The following TPR variants were observed in gnomAD, a reference collection of about 807,000 sequenced individuals.
TPR encodes translocated promoter region, nuclear basket protein.
A neutral mutation model predicts 316.1 loss-of-function variants in TPR; 51 were observed. The observed-to-expected ratio is 0.16, with a 90% CI of 0.13 to 0.20. The LOEUF is 0.20. Among genes scored for constraint, TPR ranks in the 10% least tolerant of loss-of-function variants. TPR has a pLI of 1.00. For missense variants in TPR, 2,272 were observed against 2,754.8 expected (o/e 0.82, Z 3.92); for synonymous variants, 981 against 914.7 (o/e 1.07, Z -1.31).
At chr1:186,360,998 G>T in intron 9 of TPR, 93 bp from the exon 10 acceptor site, 1 of 1,285,738 alleles carries the variant, frequency 7.8e-7, no homozygotes, top group South Asian at 1.5e-5. Flanking sequence ...CCCCTCAGCA[G>T]ATAATATTAA....
At chr1:186,338,342 T>A in intron 30 of TPR, 99 bp from the exon 31 acceptor site, 1 of 1,029,734 alleles carries the variant, frequency 9.7e-7, no homozygotes, top group Non-Finnish European at 1.4e-6. Flanking sequence ...TTAATAACTT[T>A]TTTTTTTGAA....
At chr1:186,368,299 G>T (rs541421256) in intron 3 of TPR, among the ~76,000 whole-genome samples, 1 of 152,222 alleles carries the variant, frequency 6.6e-6, no homozygotes, top group South Asian at 2.1e-4. Context: ...CCTAAAAATT[G>T]AATTACTTAA....
intron 9 of TPR, 110 bp downstream of exon 9, chr1:186,361,512 G>A (rs1571634541): frequency 1.9e-6 from 2 of 1,027,550 alleles, no homozygotes; most frequent in Non-Finnish European, 2.9e-6. Context: ...ACCTAATTCT[G>A]TCCCAAATAA....
rs780573389 is a variant in TPR, at chr1:186,343,385, A to G, written c.3691T>C (p.Leu1231=). Residue 1231 remains leucine, a synonymous_variant, in exon 27 of 51, where the codon TTA becomes CTA. Coordinates refer to ENST00000367478, the MANE Select transcript of TPR (RefSeq NM_003292.3). ...TGCAGTTCCTGCAGCTCTCTTTCTAAAAGTTCAACCCTTTGTCGATAACGC... is the reference window on the plus strand; with the variant it reads ...TGCAGTTCCTGCAGCTCTCTTTCTAGAAGTTCAACCCTTTGTCGATAACGC... ...SLRYRQRVEL[L]ERELQELQDS... 1 of 1,613,970 alleles carries G rather than the reference A, an allele frequency of 6.2e-7. No individual in the cohort carries two copies. The highest frequency in any genetic ancestry group is 1.3e-5 in the African/African-American group (1 of 74,922).
In TPR at chr1:186,313,851, A is replaced by G; in HGVS notation, c.*120T>C. 1.4e-6 allele frequency: 2 copies of G among 1,480,442 alleles called. No homozygotes were observed. The highest frequency in any genetic ancestry group is 1.9e-6 in the Non-Finnish European group (2 of 1,059,444). 91.7% of individuals were successfully genotyped at this position (1,480,442 alleles called of 1,614,324 possible). ...TTTTGACACTGAAAAACATTTTATT[A>G]ATAAAGAATATTGACATGAGTATAC... On this transcript the variant is annotated 3_prime_UTR_variant, in exon 51 of 51. Coordinates refer to ENST00000367478, the MANE Select transcript of TPR (RefSeq NM_003292.3).
At position 186,339,700 on chromosome 1, in the gene TPR, T is replaced by C; in HGVS notation, c.4093A>G (p.Thr1365Ala). The C allele has an allele frequency of 6.2e-7, 1 of 1,604,204 alleles. No homozygotes were observed. Among genetic ancestry groups the C allele is most frequent in the South Asian group, 1.1e-5 (1 of 89,352 alleles). The change falls in exon 30 of 51, where the codon ACT becomes GCT. Residue 1365 changes from threonine (T) to alanine (A), a missense_variant. Thr to Ala is a moderately conservative substitution (Grantham distance 58, BLOSUM62 0). This residue lies in a region of TPR where 96 missense variants were observed against 134.6 expected (regional missense o/e 0.71). Coordinates refer to ENST00000367478, the MANE Select transcript of TPR (RefSeq NM_003292.3). The stretch of plus-strand genomic sequence containing the variant: ...TCTGTCAATTGTTGAATACGCTTAG[T>C]ATGAACTTCCTTTTCAGAAAGGAGC... ...RKLLSEKEVH[T>A]KRIQQLTEEI...
Position 186,331,530 on chromosome 1 carries a change from A to G in TPR, c.5656T>C (p.Tyr1886His). 6.2e-7 allele frequency: 1 copy of G among 1,609,592 alleles called. No homozygotes were observed. Among genetic ancestry groups the G allele is most frequent in the African/African-American group, 1.3e-5 (1 of 74,792 alleles). The change falls in exon 39 of 51, where the codon TAC becomes CAC. Residue 1886 changes from tyrosine (Y) to histidine (H), a missense_variant. Tyr to His is a moderately conservative substitution (Grantham distance 83). Around this residue, in one of 10 missense-constraint regions of TPR, gnomAD observed 435 missense variants for 461.1 expected, o/e 0.94. Coordinates refer to ENST00000367478, the MANE Select transcript of TPR (RefSeq NM_003292.3). Reference sequence around the variant, plus strand: ...ATGGAATCTTGAGAATCCTGGTTGTATACCTGAGTCTCTACCTCTCCATCA... The same window carrying G: ...ATGGAATCTTGAGAATCCTGGTTGTGTACCTGAGTCTCTACCTCTCCATCA... The part of the protein sequence containing the change: ...STDGEVETQV[Y>H]NQDSQDSIGE...
rs1659092685 is a variant in TPR at position 186,358,532 on chromosome 1, A to C, written c.1497+11T>G. ...TTTTAAAAGTAGGAAAACAAACAAA[A>C]AAATTCTAACCTGTTGTGAAAGATC... is the stretch of plus-strand genomic sequence containing the variant. On this transcript the variant is annotated intron_variant, in intron 13 of 50. Transcript: ENST00000367478. 6.2e-7 allele frequency: 1 copy of C among 1,602,384 alleles called. No individual in the cohort carries two copies. Among genetic ancestry groups the C allele is most frequent in the South Asian group, 1.1e-5 (1 of 88,598 alleles).
chr1:186,358,593 C>G lies in TPR; in HGVS notation c.1447G>C (p.Glu483Gln), dbSNP rs1659094172. ...DKANKQSSVL[E>Q]RDNRRMEIQV... ...ATTTCCATTCTTCGATTATCTCTCT[C>G]AAGTACAGATGATTGCTTGTTGGCT... Residue 483 changes from glutamate to glutamine, a missense_variant, in exon 13 of 51, where the codon GAG becomes CAG. By Grantham distance (29) the Glu-to-Gln change is conservative. Around this residue, in one of 10 missense-constraint regions of TPR, gnomAD observed 549 missense variants for 598.6 expected, o/e 0.92. Coordinates refer to ENST00000367478, the MANE Select transcript of TPR (RefSeq NM_003292.3). 6.2e-7 allele frequency: 1 copy of G among 1,612,556 alleles called. No homozygotes were observed. The highest frequency in any genetic ancestry group is 8.5e-7 in the Non-Finnish European group (1 of 1,179,318).
At chr1:186,363,285 T>G in intron 5 of TPR, 57 bp downstream of exon 5, 1 of 1,376,856 alleles carries the variant, frequency 7.3e-7, no homozygotes, top group African/African-American at 1.5e-5. Flanking sequence ...AAATTTAATT[T>G]AGGTGAGTTT....
chr1:186,322,659 GAT>G, intron 43 of TPR, 73 bp from the exon 44 acceptor site: 1 of 1,452,616 alleles, frequency 6.9e-7, no homozygotes. Flanking sequence ...AATATCAACA[GAT>G]ACAGCTTATT....
intron 21 of TPR, among the ~76,000 whole-genome samples, chr1:186,348,689 T>C (rs752755318): frequency 7.9e-5 from 12 of 152,070 alleles, no homozygotes; most frequent in Non-Finnish European, 1.3e-4. Context: ...GTAAAATTCC[T>C]CTCTTTGTAC....
At chr1:186,360,693 G>A (rs1659159445) in intron 10 of TPR, 72 bp downstream of exon 10, 6 of 1,576,984 alleles carry the variant, frequency 3.8e-6, no homozygotes, top group Non-Finnish European at 5.2e-6. Context: ...AATACTATTA[G>A]TGAAATTAAA....
intron 34 of TPR, 88 bp downstream of exon 34, chr1:186,335,250 C>A: frequency 1.3e-6 from 2 of 1,547,108 alleles, no homozygotes; most frequent in Non-Finnish European, 1.8e-6. Flanking sequence ...CCAAAATTCA[C>A]TGACAAAGGC....
chr1:186,361,255 G>T (rs1009489116), intron 9 of TPR, among the ~76,000 whole-genome samples: 1 of 151,674 alleles, frequency 6.6e-6, no homozygotes, highest in Non-Finnish European at 1.5e-5. Context: ...AAAAATTTGA[G>T]GAAATAAAAG....
At chr1:186,338,449 G>A (rs1482661321) in intron 30 of TPR, among the ~76,000 whole-genome samples, 2 of 152,032 alleles carry the variant, frequency 1.3e-5, no homozygotes, top group Non-Finnish European at 1.5e-5. Context: ...GCACATTTTA[G>A]AGATGAGAAA....
At chr1:186,329,697 T>C (rs1426070532) in intron 39 of TPR, among the ~76,000 whole-genome samples, 2 of 152,144 alleles carry the variant, frequency 1.3e-5, no homozygotes, top group Non-Finnish European at 2.9e-5. Flanking sequence ...TACATAATCA[T>C]CTGAAGATTT....
Position 186,351,375 on chromosome 1 carries a change from C to G in TPR, c.2565G>C (p.Leu855Phe). 1 of 1,612,352 alleles carries G rather than the reference C, an allele frequency of 6.2e-7. No individual in the cohort carries two copies. Among genetic ancestry groups the G allele is most frequent in the Non-Finnish European group, 8.5e-7 (1 of 1,179,250 alleles). The change falls in exon 20 of 51, where the codon TTG becomes TTC. Residue 855 changes from leucine (L) to phenylalanine (F), a missense_variant. Physicochemically the swap from Leu to Phe is conservative, Grantham distance 22. This residue lies in a region of TPR where 757 missense variants were observed against 859.8 expected (regional missense o/e 0.88). Transcript: ENST00000367478. ...EHEISHLKKKLENEVEQRHTL... is the reference protein window; with the variant it reads ...EHEISHLKKKFENEVEQRHTL... Reference sequence around the variant, plus strand: ...TATGCCTTTGTTCCACCTCATTTTCCAACTTCTTCTTTAGATGAGAGATCT... The same window carrying G: ...TATGCCTTTGTTCCACCTCATTTTCGAACTTCTTCTTTAGATGAGAGATCT...
intron 45 of TPR, among the ~76,000 whole-genome samples, chr1:186,321,902 A>G (rs1279768292): frequency 6.6e-6 from 1 of 152,226 alleles, no homozygotes; most frequent in South Asian, 2.1e-4. Context: ...AAACATGTTA[A>G]CACAAATTAA....
Sources: allele counts gnomAD v4.1 joint callset (sites outside exome capture counted in the v4.1 genomes callset), GRCh38; gene constraint gnomAD v4.1.1; regional missense constraint gnomAD v4.1.1; transcripts MANE v1.5; gene names NCBI Gene and HGNC (gene_info 2026-07-23, HGNC 2026-07-21).